Variants in USP15 observed in about 807,000 individuals in gnomAD.
USP15 encodes ubiquitin carboxyl-terminal hydrolase 15.
A neutral mutation model predicts 127.1 loss-of-function variants in USP15; 18 were observed. The ratio of observed to expected loss-of-function variants is 0.14; its 90% CI spans 0.10 to 0.21. USP15 has a LOEUF of 0.21. Among genes scored for constraint, USP15 ranks in the 10% least tolerant of loss-of-function variants. The pLI, the probability that USP15 is intolerant of heterozygous loss-of-function variation, is 1.00. For missense variants in USP15, 805 were observed against 1,159.9 expected (o/e 0.69, Z 4.44); for synonymous variants, 364 against 393.7 (o/e 0.92, Z 0.89).
chr12:62,342,960 T>C (rs1028639330), intron 6 of USP15, among the ~76,000 whole-genome samples: 9 of 152,198 alleles, frequency 5.9e-5, no homozygotes, highest in African/African-American at 2.2e-4. Context: ...CAGGATCAGC[T>C]GCTCTCTTCA....
At chr12:62,366,298 T>C (rs747916045) in intron 8 of USP15, among the ~76,000 whole-genome samples, 1 of 152,234 alleles carries the variant, frequency 6.6e-6, no homozygotes, top group Non-Finnish European at 1.5e-5. Context: ...AGGTATTTTA[T>C]TCCCTTAGTA....
chr12:62,302,959 C>A, intron 3 of USP15, 39 bp downstream of exon 3: 1 of 1,577,114 alleles, frequency 6.3e-7, no homozygotes, highest in Non-Finnish European at 8.6e-7. Flanking sequence ...TATTATTTTT[C>A]TTGATTAGTT....
At chr12:62,320,332 A>G (rs535681870) in intron 4 of USP15, among the ~76,000 whole-genome samples, 16 of 152,214 alleles carry the variant, frequency 1.1e-4, no homozygotes, top group Middle Eastern at 3.4e-3. Context: ...CTCCATGATA[A>G]GATGTGCTTG....
rs1196113787 is a variant in USP15 at position 62,294,196 on chromosome 12, G to A, written c.107G>A (p.Arg36His). 8 of 1,612,494 alleles carry A rather than the reference G, an allele frequency of 5.0e-6. No individual in the cohort carries two copies. The highest frequency in any genetic ancestry group is 1.3e-5 in the African/African-American group (1 of 74,746). ...KGDTWYLVDS[R>H]WFKQWKKYVG... is the part of the protein sequence containing the mutation. ...TTTTTTAGGTACCTAGTCGATAGTC[G>A]CTGGTTCAAACAGTGGAAAAAATAT... The change falls in exon 2 of 22, where the codon CGC becomes CAC. Residue 36 changes from arginine (R) to histidine (H), a missense_variant. Arg to His is a conservative substitution (Grantham distance 29, BLOSUM62 0). Around this residue, in one of 11 missense-constraint regions of USP15, gnomAD observed 69 missense variants for 126.4 expected, o/e 0.55. Transcript: ENST00000280377.
intron 5 of USP15, among the ~76,000 whole-genome samples, 166 bp from the exon 6 acceptor site, chr12:62,325,706 G>C (rs796501448): frequency 2.6e-5 from 4 of 152,092 alleles, no homozygotes; most frequent in African/African-American, 9.6e-5. Context: ...AGTCTCACCT[G>C]CCTAGCTTTG....
At chr12:62,295,496 C>A (rs1565827374) in intron 2 of USP15, among the ~76,000 whole-genome samples, 1 of 152,154 alleles carries the variant, frequency 6.6e-6, no homozygotes, top group Non-Finnish European at 1.5e-5. Flanking sequence ...TGGCTTGGAT[C>A]TGACCAAATA....
intron 3 of USP15, among the ~76,000 whole-genome samples, chr12:62,307,809 T>A (rs1415008410): frequency 6.6e-6 from 1 of 152,122 alleles, no homozygotes; most frequent in African/African-American, 2.4e-5. Context: ...AGGGCATTAG[T>A]AGCATAATGC....
At chr12:62,380,572 A>G (rs946692480) in intron 8 of USP15, among the ~76,000 whole-genome samples, 1 of 152,054 alleles carries the variant, frequency 6.6e-6, no homozygotes, top group African/African-American at 2.4e-5. Context: ...CATGCAAGCA[A>G]CTAGCTTCCT....
rs558305073 is a variant in USP15, at chr12:62,370,324, AG to A, written c.916-11163del. ...CTTTTTTCATCTGGGAAGTAGAGTGAGGGAGACCCATGACCTTGAACAGGAT... is the reference window on the plus strand; with the variant it reads ...CTTTTTTCATCTGGGAAGTAGAGTGAGGAGACCCATGACCTTGAACAGGAT... On this transcript the variant is annotated intron_variant, in intron 8 of 21. Coordinates refer to ENST00000280377, the MANE Select transcript of USP15 (RefSeq NM_001252078.2). 4.6e-5 allele frequency among the ~76,000 whole-genome samples: 7 copies of A among 152,246 alleles called. No individual in the cohort carries two copies. The East Asian group carries it at 1.2e-3, about 25-fold the overall frequency.
intron 8 of USP15, among the ~76,000 whole-genome samples, chr12:62,360,363 CTT>C (rs2066276349): frequency 6.6e-6 from 1 of 151,756 alleles, no homozygotes; most frequent in Non-Finnish European, 1.5e-5. Context: ...TAGGAAAAAA[CTT>C]AATTTCAAAA....
intron 8 of USP15, among the ~76,000 whole-genome samples, chr12:62,374,116 C>T (rs1243231109): frequency 6.6e-6 from 1 of 151,868 alleles, no homozygotes; most frequent in Non-Finnish European, 1.5e-5. Context: ...TCCATCTAAC[C>T]TTAAAATCCA....
intron 3 of USP15, among the ~76,000 whole-genome samples, chr12:62,311,913 T>C (rs1592560934): frequency 6.6e-6 from 1 of 151,960 alleles, no homozygotes; most frequent in East Asian, 1.9e-4. Context: ...ATTAATTGAT[T>C]AGTTTTAATT....
At chr12:62,308,978 C>G (rs2064571292) in intron 3 of USP15, among the ~76,000 whole-genome samples, 1 of 152,036 alleles carries the variant, frequency 6.6e-6, no homozygotes, top group South Asian at 2.1e-4. Flanking sequence ...CTGAAATTCT[C>G]AGAAGGAATT....
chr12:62,338,007 T>G (rs2065527190), intron 6 of USP15, among the ~76,000 whole-genome samples: 2 of 152,176 alleles, frequency 1.3e-5, no homozygotes, highest in South Asian at 4.1e-4. Context: ...GTAATGGGAT[T>G]GCTGGGGCAA....
chr12:62,325,010 G>A (rs1405134871), intron 5 of USP15, among the ~76,000 whole-genome samples: 1 of 151,932 alleles, frequency 6.6e-6, no homozygotes, highest in African/African-American at 2.4e-5. Flanking sequence ...CATATTGTCT[G>A]TATTACAGTT....
intron 1 of USP15, among the ~76,000 whole-genome samples, chr12:62,273,152 A>AAG (rs1489576297): frequency 0.022 from 3,340 of 152,112 alleles, 123 homozygotes; most frequent in African/African-American, 0.075. Flanking sequence ...TTCTGGCCTT[A>AAG]GCATGTCATC....
intron 2 of USP15, 99 bp downstream of exon 2, chr12:62,294,405 G>A (rs2064067427): frequency 2.9e-6 from 4 of 1,401,964 alleles, no homozygotes; most frequent in South Asian, 2.8e-5. Flanking sequence ...CAAATAAGTT[G>A]ATAAAGTTTT....
intron 3 of USP15, chr12:62,314,054 A>G (rs1322134432): frequency 3.9e-5 from 34 of 877,928 alleles, no homozygotes; most frequent in Non-Finnish European, 4.6e-5. Context: ...AATTATACTT[A>G]TTTAAAAGGT....
intron 6 of USP15, 138 bp downstream of exon 6, chr12:62,326,071 T>A: frequency 1.5e-6 from 1 of 682,306 alleles, no homozygotes; most frequent in Non-Finnish European, 2.3e-6. Flanking sequence ...TATTTTGTTC[T>A]TAGTATACAA....
Sources: gnomAD v4.1 joint callset for allele counts (sites outside exome capture counted in the v4.1 genomes callset) on GRCh38, gnomAD v4.1.1 for gene constraint, gnomAD v4.1.1 regional missense constraint, MANE v1.5 for transcripts, NCBI Gene and HGNC (gene_info 2026-07-23, HGNC 2026-07-21) for gene names.